The following SLC35F3 variants were observed in gnomAD, a reference collection of about 807,000 sequenced individuals.
The protein encoded by SLC35F3 is solute carrier family 35 member F3, also known as putative thiamine transporter SLC35F3.
A neutral mutation model predicts 49.9 loss-of-function variants in SLC35F3; 25 were observed. The observed-to-expected ratio is 0.50, with a 90% confidence interval of 0.37 to 0.70. SLC35F3 has a LOEUF of 0.70. Ranked by LOEUF, SLC35F3 falls within the 30% of genes least tolerant of loss-of-function variation. SLC35F3 has a pLI of 0.00. For synonymous variants in SLC35F3, 275 were observed against 265.4 expected, an observed-to-expected ratio of 1.04 and a Z score of -0.35; for missense variants, 525 against 639.8, an observed-to-expected ratio of 0.82 and a Z score of 1.94.
At position 234,224,630 on chromosome 1, in the gene SLC35F3, A is replaced by G. The variant is rs117061257; in HGVS notation, c.284-6787A>G. Among the ~76,000 whole-genome samples the G allele has an allele frequency of 1.6e-4, 25 of 152,380 alleles. No homozygotes were observed. In the East Asian group the frequency reaches 4.4e-3, roughly 27 times the overall value. ...GATGTTCAGCACCATGACCTTGGTC[A>G]ACTTTCAAAGGGGAGAACGAGAGGA... On this transcript the variant is annotated intron_variant, in intron 2 of 7. Coordinates refer to ENST00000366618, the MANE Select transcript of SLC35F3 (RefSeq NM_173508.4).
At chr1:234,229,860 C>G in intron 2 of SLC35F3, among the ~76,000 whole-genome samples, 1 of 152,258 alleles carries the variant, frequency 6.6e-6, no homozygotes, top group Admixed American at 6.5e-5. Context: ...TGGAAATTCA[C>G]GGTGAGGAAA....
chr1:233,926,688 C>G (rs1662166121), intron 2 of SLC35F3, among the ~76,000 whole-genome samples: 1 of 152,170 alleles, frequency 6.6e-6, no homozygotes, highest in Non-Finnish European at 1.5e-5. Context: ...TGGCAAGGAG[C>G]TGCGTTCCTT....
intron 3 of SLC35F3, among the ~76,000 whole-genome samples, chr1:234,280,245 C>T (rs1302331211): frequency 6.6e-6 from 1 of 152,208 alleles, no homozygotes; most frequent in African/African-American, 2.4e-5. Context: ...AACGAGGGGG[C>T]CTACCAAATC....
chr1:234,033,847 T>C (rs1664102505), intron 2 of SLC35F3, among the ~76,000 whole-genome samples: 1 of 152,222 alleles, frequency 6.6e-6, no homozygotes, highest in Non-Finnish European at 1.5e-5. Context: ...GGACACTTTT[T>C]TGGTTCCATA....
intron 2 of SLC35F3, among the ~76,000 whole-genome samples, chr1:234,220,679 T>C (rs1303152096): frequency 1.3e-5 from 2 of 151,986 alleles, no homozygotes; most frequent in African/African-American, 2.4e-5. Context: ...AAGGACAGGA[T>C]AGAGGAGGAA....
At chr1:233,925,729 G>C (rs1211190477) in intron 2 of SLC35F3, among the ~76,000 whole-genome samples, 2 of 152,152 alleles carry the variant, frequency 1.3e-5, no homozygotes, top group African/African-American at 4.8e-5. Context: ...TCCTAGCATC[G>C]ATGGTCTTTA....
At chr1:234,282,956 A>G (rs991881181) in intron 3 of SLC35F3, among the ~76,000 whole-genome samples, 2 of 152,354 alleles carry the variant, frequency 1.3e-5, no homozygotes, top group African/African-American at 4.8e-5. Flanking sequence ...GACTAGAAAG[A>G]GAACCTGGAG....
At chr1:234,130,222 C>T (rs1665713570) in intron 2 of SLC35F3, among the ~76,000 whole-genome samples, 2 of 152,050 alleles carry the variant, frequency 1.3e-5, no homozygotes, top group East Asian at 3.9e-4. Flanking sequence ...AGGTATTTTA[C>T]AAAATAAGTT....
chr1:234,037,506 G>A (rs1664161206), intron 2 of SLC35F3, among the ~76,000 whole-genome samples: 1 of 152,170 alleles, frequency 6.6e-6, no homozygotes, highest in Non-Finnish European at 1.5e-5. Context: ...GAGGTACAGT[G>A]AATAAAACAG....
At chr1:233,940,050 A>G (rs1662395804) in intron 2 of SLC35F3, among the ~76,000 whole-genome samples, 1 of 152,154 alleles carries the variant, frequency 6.6e-6, no homozygotes, top group Non-Finnish European at 1.5e-5. Flanking sequence ...ATATATTGGG[A>G]TGAGCCTAAT....
chr1:233,971,705 G>A (rs530933883), intron 2 of SLC35F3, among the ~76,000 whole-genome samples: 113 of 130,486 alleles, frequency 8.7e-4, no homozygotes, highest in Non-Finnish European at 1.5e-3. Flanking sequence ...GTGACAGAGC[G>A]AGACTCCGAC....
chr1:234,176,593 C>A (rs950675684), intron 2 of SLC35F3, among the ~76,000 whole-genome samples: 4 of 152,162 alleles, frequency 2.6e-5, no homozygotes, highest in African/African-American at 7.2e-5. Context: ...ACTAGACTCA[C>A]ACTCACAGCC....
At chr1:234,152,711 A>G (rs1026107392) in intron 2 of SLC35F3, among the ~76,000 whole-genome samples, 12 of 152,208 alleles carry the variant, frequency 7.9e-5, no homozygotes, top group African/African-American at 2.9e-4. Flanking sequence ...TCTTTATAGT[A>G]GAATGATTTA....
chr1:234,117,059 ATTC>A (rs1665497986), intron 2 of SLC35F3, among the ~76,000 whole-genome samples: 1 of 152,182 alleles, frequency 6.6e-6, no homozygotes, highest in Admixed American at 6.5e-5. Flanking sequence ...ACCTGTCTTT[ATTC>A]TTGTCACCAA....
intron 2 of SLC35F3, among the ~76,000 whole-genome samples, chr1:234,186,022 C>T (rs545002430): frequency 1.6e-4 from 24 of 152,154 alleles, no homozygotes; most frequent in Non-Finnish European, 2.6e-4. Context: ...GACAGTTTGT[C>T]TGAAGGCAGC....
intron 2 of SLC35F3, among the ~76,000 whole-genome samples, chr1:234,143,288 C>CTTTTCTTTTCTTTTCTTTT (rs1478216426): frequency 8.1e-6 from 1 of 123,564 alleles, no homozygotes; most frequent in Non-Finnish European, 1.6e-5. Flanking sequence ...CTTTTCTTTT[C>CTTTTCTTTTCTTTTCTTTT]TTTTTTTTTT....
At chr1:234,135,019 C>A (rs547742567) in intron 2 of SLC35F3, among the ~76,000 whole-genome samples, 1 of 152,304 alleles carries the variant, frequency 6.6e-6, no homozygotes, top group South Asian at 2.1e-4. Flanking sequence ...CACGCCCAGC[C>A]AGCATTGGTA....
At chr1:234,163,988 A>C (rs1336425915) in intron 2 of SLC35F3, among the ~76,000 whole-genome samples, 1 of 148,010 alleles carries the variant, frequency 6.8e-6, no homozygotes, top group Non-Finnish European at 1.5e-5. Flanking sequence ...TAGAAGAAAA[A>C]AATATCTCCT....
chr1:234,061,342 T>C (rs941922721), intron 2 of SLC35F3, among the ~76,000 whole-genome samples: 1 of 152,182 alleles, frequency 6.6e-6, no homozygotes, highest in South Asian at 2.1e-4. Context: ...CTTATTGAGA[T>C]TCTCTTTTAA....
Sources: allele counts gnomAD v4.1 joint callset (sites outside exome capture counted in the v4.1 genomes callset), GRCh38; gene constraint gnomAD v4.1.1; transcripts MANE v1.5; gene names NCBI Gene and HGNC (gene_info 2026-07-23, HGNC 2026-07-21).